PTPRK: variants seen among roughly 807,000 people sequenced by gnomAD.
The protein encoded by PTPRK is protein tyrosine phosphatase receptor type K.
PTPRK carries 75 observed loss-of-function variants against 178.0 expected under a neutral mutation model. The observed-to-expected ratio is 0.42, with a 90% CI of 0.35 to 0.51. PTPRK has a LOEUF of 0.51. PTPRK is among the 20% of genes least tolerant of loss of function. The pLI is 0.02. For synonymous variants in PTPRK, 637 were observed against 620.6 expected (o/e 1.03, Z -0.39); for missense variants, 1,441 against 1,797.8 (o/e 0.80, Z 3.59).
At chr6:128,321,888 A>C in intron 3 of PTPRK, 151 bp downstream of exon 3, 1 of 953,410 alleles carries the variant, frequency 1.0e-6, no homozygotes, top group Non-Finnish European at 1.6e-6. Flanking sequence ...GCATATGTAT[A>C]TCTATGTATG....
At chr6:128,197,080 CTAATA>C (rs549972453) in intron 6 of PTPRK, among the ~76,000 whole-genome samples, 81 of 151,842 alleles carry the variant, frequency 5.3e-4, no homozygotes, top group African/African-American at 1.8e-3. Context: ...AAATGATGCA[CTAATA>C]TAAGTTGATA....
intron 3 of PTPRK, among the ~76,000 whole-genome samples, chr6:128,261,798 T>C (rs2128293616): frequency 6.6e-6 from 1 of 152,294 alleles, no homozygotes; most frequent in East Asian, 1.9e-4. Flanking sequence ...GGGCAATAGC[T>C]TTTGGAGCTA....
At chr6:128,357,592 C>A (rs148430373) in intron 2 of PTPRK, among the ~76,000 whole-genome samples, 3 of 152,198 alleles carry the variant, frequency 2.0e-5, no homozygotes, top group Non-Finnish European at 2.9e-5. Flanking sequence ...TCACTGTACA[C>A]GCTGTTCCCA....
At chr6:128,200,679 C>A (rs1000206607) in intron 6 of PTPRK, among the ~76,000 whole-genome samples, 1 of 151,114 alleles carries the variant, frequency 6.6e-6, no homozygotes, top group Non-Finnish European at 1.5e-5. Context: ...TGTAGTGAAC[C>A]AGTCTAGGTG....
At chr6:128,200,339 A>C (rs2128257252) in intron 6 of PTPRK, among the ~76,000 whole-genome samples, 1 of 152,312 alleles carries the variant, frequency 6.6e-6, no homozygotes, top group African/African-American at 2.4e-5. Flanking sequence ...AAGGGGATTT[A>C]GCTCATGATT....
intron 20 of PTPRK, 52 bp from the exon 21 acceptor site, chr6:127,990,937 G>T: frequency 2.8e-6 from 3 of 1,084,204 alleles, no homozygotes; most frequent in Non-Finnish European, 4.1e-6. Flanking sequence ...ATACTAATTA[G>T]CCAAGGTGAT....
chr6:128,199,357 A>T (rs1805490825), intron 6 of PTPRK, among the ~76,000 whole-genome samples: 1 of 152,150 alleles, frequency 6.6e-6, no homozygotes, highest in Non-Finnish European at 1.5e-5. Context: ...ACCAGATAAG[A>T]GTATAAACTA....
chr6:128,077,117 A>G (rs115805255), intron 11 of PTPRK, among the ~76,000 whole-genome samples: 1 of 152,198 alleles, frequency 6.6e-6, no homozygotes, highest in African/African-American at 2.4e-5. Flanking sequence ...GATAAATGCA[A>G]GTAGCTGGTA....
chr6:128,030,319 A>G (rs1180276074), intron 13 of PTPRK, among the ~76,000 whole-genome samples: 2 of 152,196 alleles, frequency 1.3e-5, no homozygotes, highest in Admixed American at 1.3e-4. Context: ...GGAAAGCAGC[A>G]CAACCTCCAA....
intron 6 of PTPRK, among the ~76,000 whole-genome samples, chr6:128,187,097 T>G (rs1183273112): frequency 6.6e-6 from 1 of 152,074 alleles, no homozygotes; most frequent in Non-Finnish European, 1.5e-5. Context: ...AATCATAAAT[T>G]TATAGATATT....
intron 7 of PTPRK, among the ~76,000 whole-genome samples, chr6:128,182,473 T>C (rs570579152): frequency 1.3e-5 from 2 of 151,952 alleles, no homozygotes; most frequent in East Asian, 3.9e-4. Flanking sequence ...ACTCGGGAAG[T>C]TGAGACAGGA....
At chr6:128,280,976 G>GA (rs1007753264) in intron 3 of PTPRK, among the ~76,000 whole-genome samples, 3 of 150,826 alleles carry the variant, frequency 2.0e-5, no homozygotes, top group Admixed American at 6.6e-5. Context: ...AACTTTTTAG[G>GA]AAAAAAAAAT....
chr6:128,201,124 A>G (rs1472824553), intron 6 of PTPRK, among the ~76,000 whole-genome samples: 3 of 152,144 alleles, frequency 2.0e-5, no homozygotes, highest in South Asian at 2.1e-4. Flanking sequence ...ATTAAATTCT[A>G]TGTAATTTAT....
intron 1 of PTPRK, among the ~76,000 whole-genome samples, chr6:128,439,715 T>G (rs1846049023): frequency 6.6e-6 from 1 of 152,164 alleles, no homozygotes; most frequent in South Asian, 2.1e-4. Context: ...CTGCTGAAAG[T>G]GAAAATGCAG....
At chr6:128,172,933 A>G (rs1344044212) in intron 7 of PTPRK, among the ~76,000 whole-genome samples, 2 of 151,952 alleles carry the variant, frequency 1.3e-5, no homozygotes, top group Non-Finnish European at 2.9e-5. Context: ...TTCTCCTGTC[A>G]TCCTGTGGAG....
At chr6:128,047,675 C>T (rs755716578) in intron 13 of PTPRK, among the ~76,000 whole-genome samples, 2 of 152,032 alleles carry the variant, frequency 1.3e-5, no homozygotes, top group Non-Finnish European at 2.9e-5. Flanking sequence ...ACTTTAAGTG[C>T]TTTCTTGCAA....
intron 2 of PTPRK, among the ~76,000 whole-genome samples, chr6:128,353,860 T>C (rs1033335074): frequency 2.0e-5 from 3 of 152,178 alleles, no homozygotes; most frequent in Non-Finnish European, 2.9e-5. Flanking sequence ...CATACACATA[T>C]GACTGCGTAT....
chr6:127,980,124 A>AAC (rs1347805636), intron 25 of PTPRK, among the ~76,000 whole-genome samples: 1 of 152,220 alleles, frequency 6.6e-6, no homozygotes, highest in Non-Finnish European at 1.5e-5. Flanking sequence ...CAATCTGACC[A>AAC]ACATGGTGAA....
intron 7 of PTPRK, among the ~76,000 whole-genome samples, chr6:128,167,574 T>C (rs1476548724): frequency 2.6e-5 from 4 of 151,992 alleles, no homozygotes; most frequent in Non-Finnish European, 5.9e-5. Flanking sequence ...AGTAATATAC[T>C]TCATATAACT....
Sources: allele counts gnomAD v4.1 joint callset (sites outside exome capture counted in the v4.1 genomes callset), GRCh38; gene constraint gnomAD v4.1.1; transcripts MANE v1.5; gene names NCBI Gene and HGNC (gene_info 2026-07-23, HGNC 2026-07-21).